The following ROBO2 variants were observed in gnomAD, a reference collection of about 807,000 sequenced individuals.
ROBO2 encodes roundabout guidance receptor 2, also known as roundabout homolog 2.
ROBO2 carries 53 observed loss-of-function variants against 160.8 expected under a neutral mutation model. That is an observed-to-expected ratio of 0.33 (90% CI 0.26 to 0.41). The LOEUF is 0.41. Ranked by LOEUF, ROBO2 falls within the 10% of genes least tolerant of loss-of-function variation. ROBO2 has a pLI of 1.00. For missense variants in ROBO2, 1,577 were observed against 1,722.4 expected (o/e 0.92, Z 1.49); for synonymous variants, 664 against 611.7 (o/e 1.09, Z -1.26).
chr3:76,086,377 T>G (rs1350018503), intron 2 of ROBO2, among the ~76,000 whole-genome samples: 1 of 152,106 alleles, frequency 6.6e-6, no homozygotes, highest in East Asian at 1.9e-4. Context: ...ACATGGGGAC[T>G]ATGGGAACTA....
chr3:76,245,378 G>A (rs189468074), intron 2 of ROBO2, among the ~76,000 whole-genome samples: 1 of 152,158 alleles, frequency 6.6e-6, no homozygotes, highest in Non-Finnish European at 1.5e-5. Flanking sequence ...TTCATTGAAT[G>A]AATGGATGGA....
rs1254641976 is a variant in ROBO2, at chr3:77,537,503, C to T, written c.935-8835C>T. Among the ~76,000 whole-genome samples the T allele has an allele frequency of 2.0e-5, 3 of 152,040 alleles. No homozygotes were observed. In the South Asian group the frequency reaches 6.2e-4, roughly 32 times the overall value. On this transcript the variant is annotated intron_variant, in intron 6 of 25. Transcript: ENST00000461745. ...GATGAGGAATCTAAGGATTATGACTCATGGTAGTCATTCTATTCTCTTTGA... is the reference window on the plus strand; with the variant it reads ...GATGAGGAATCTAAGGATTATGACTTATGGTAGTCATTCTATTCTCTTTGA...
intron 2 of ROBO2, among the ~76,000 whole-genome samples, chr3:77,255,124 G>A (rs899351491): frequency 6.6e-6 from 1 of 152,190 alleles, no homozygotes; most frequent in African/African-American, 2.4e-5. Flanking sequence ...TTTTGGTAAA[G>A]GGACAGAGAA....
At chr3:76,749,878 G>A (rs527579430) in intron 2 of ROBO2, among the ~76,000 whole-genome samples, 3 of 152,166 alleles carry the variant, frequency 2.0e-5, no homozygotes, top group East Asian at 3.9e-4. Context: ...GCAAAGAGGA[G>A]CTGGTACCAT....
chr3:76,832,473 T>C (rs2067175523), intron 2 of ROBO2, among the ~76,000 whole-genome samples: 1 of 152,118 alleles, frequency 6.6e-6, no homozygotes, highest in South Asian at 2.1e-4. Context: ...ATGACAACGT[T>C]TAATGCATCA....
chr3:76,437,712 G>T (rs2076749209), intron 2 of ROBO2, among the ~76,000 whole-genome samples: 1 of 152,114 alleles, frequency 6.6e-6, no homozygotes, highest in African/African-American at 2.4e-5. Context: ...TGTTTATGCT[G>T]TGAGTCTTGT....
At chr3:76,122,783 T>A (rs7614977) in intron 2 of ROBO2, among the ~76,000 whole-genome samples, 3 of 152,300 alleles carry the variant, frequency 2.0e-5, no homozygotes, top group Admixed American at 2.0e-4. Context: ...GATGGACATA[T>A]ATATTCATTT....
intron 2 of ROBO2, among the ~76,000 whole-genome samples, chr3:77,247,248 C>T (rs1156272831): frequency 4.6e-5 from 7 of 152,162 alleles, no homozygotes; most frequent in African/African-American, 1.7e-4. Context: ...TTCCCACGAG[C>T]AGCCCAGAAT....
At chr3:75,954,546 A>C (rs1158324572) in intron 2 of ROBO2, among the ~76,000 whole-genome samples, 1 of 151,896 alleles carries the variant, frequency 6.6e-6, no homozygotes, top group Non-Finnish European at 1.5e-5. Context: ...ACCTCTGTTA[A>C]CGTTATGTCC....
intron 2 of ROBO2, among the ~76,000 whole-genome samples, chr3:77,464,981 A>C (rs1361119135): frequency 6.6e-6 from 1 of 152,186 alleles, no homozygotes; most frequent in African/African-American, 2.4e-5. Context: ...TTTAGTATCC[A>C]CTAATTTATT....
At chr3:77,440,922 C>T (rs1395614202) in intron 2 of ROBO2, among the ~76,000 whole-genome samples, 1 of 152,098 alleles carries the variant, frequency 6.6e-6, no homozygotes, top group African/African-American at 2.4e-5. Context: ...ATTTAGAAAA[C>T]TCCCCATTCT....
At chr3:77,209,631 A>G (rs1048984800) in intron 2 of ROBO2, among the ~76,000 whole-genome samples, 4 of 151,728 alleles carry the variant, frequency 2.6e-5, no homozygotes, top group Admixed American at 6.6e-5. Context: ...TGGAAAGGAC[A>G]CTCGTTTGAG....
chr3:77,608,813 A>AT lies in ROBO2; in HGVS notation c.3293+867dup, dbSNP rs951625227. On this transcript the variant is annotated intron_variant, in intron 21 of 25. Transcript: ENST00000461745. Reference sequence around the variant, plus strand: ...AAAAAGCAGTTTTTCTTTTCACAGGATTTTTTTTCACTTAGAAATAGTTAG... The same window carrying AT: ...AAAAAGCAGTTTTTCTTTTCACAGGATTTTTTTTTCACTTAGAAATAGTTAG... Among the ~76,000 whole-genome samples, 8 of 151,576 alleles carry AT rather than the reference A, an allele frequency of 5.3e-5. No homozygotes were observed. The East Asian group carries it at 5.8e-4, about 11-fold the overall frequency.
In ROBO2 at chr3:76,723,227, G is replaced by A. The variant is rs925943731; in HGVS notation, c.110-374787G>A. On this transcript the variant is annotated intron_variant, in intron 2 of 26. Transcript: ENST00000487694. The stretch of plus-strand genomic sequence containing the variant: ...TATACATTCATATCACATCATTTTC[G>A]AAATAAAATATGCTATTAAGGTAAG... Among the ~76,000 whole-genome samples, 25 of 151,870 alleles carry A rather than the reference G, an allele frequency of 1.6e-4. 1 individual carries two copies. Among genetic ancestry groups the A allele is most frequent in the Admixed American group, 9.8e-4 (15 of 15,244 alleles).
chr3:77,637,618 A>C (rs977872787), intron 24 of ROBO2, among the ~76,000 whole-genome samples: 4 of 152,168 alleles, frequency 2.6e-5, no homozygotes, highest in Non-Finnish European at 5.9e-5. Flanking sequence ...CGTAAATAAA[A>C]AAGGACTACT....
At chr3:76,246,011 T>C (rs1015686639) in intron 2 of ROBO2, among the ~76,000 whole-genome samples, 1 of 152,202 alleles carries the variant, frequency 6.6e-6, no homozygotes, top group Non-Finnish European at 1.5e-5. Context: ...TACATATATA[T>C]GCTTTTTGTT....
intron 2 of ROBO2, among the ~76,000 whole-genome samples, chr3:76,779,148 A>G (rs544779831): frequency 5.3e-5 from 8 of 151,164 alleles, no homozygotes; most frequent in East Asian, 2.0e-4. Context: ...ATTGGCACAT[A>G]TTATTTTCTT....
intron 2 of ROBO2, among the ~76,000 whole-genome samples, chr3:77,287,582 T>C (rs1014581671): frequency 2.0e-5 from 3 of 152,184 alleles, no homozygotes; most frequent in Non-Finnish European, 4.4e-5. Flanking sequence ...GTTCATTCTG[T>C]GAGAAGAAAA....
At chr3:77,558,815 A>G (rs1479183040) in intron 9 of ROBO2, among the ~76,000 whole-genome samples, 1 of 152,142 alleles carries the variant, frequency 6.6e-6, no homozygotes, top group East Asian at 1.9e-4. Flanking sequence ...ATTATGGAAC[A>G]ATATGAACAA....
Sources: allele counts gnomAD v4.1 joint callset (sites outside exome capture counted in the v4.1 genomes callset), GRCh38; gene constraint gnomAD v4.1.1; transcripts MANE v1.5; gene names NCBI Gene and HGNC (gene_info 2026-07-23, HGNC 2026-07-21).